SEMA3A: variants seen among roughly 807,000 people sequenced by gnomAD.
The protein encoded by SEMA3A is semaphorin 3A, also known as semaphorin-3A.
Under a neutral mutation model 97.9 loss-of-function variants are expected in SEMA3A, and 29 were observed. That is an observed-to-expected ratio of 0.30 (90% CI 0.22 to 0.40). The LOEUF (loss-of-function observed/expected upper bound fraction) is 0.40. Among genes scored for constraint, SEMA3A ranks in the 10% least tolerant of loss-of-function variants. The probability of loss-of-function intolerance (pLI) is 1.00; values close to 1 mark genes in which losing one functional copy is unlikely to be tolerated. For missense variants in SEMA3A, 763 were observed against 951.3 expected (o/e 0.80, Z 2.60); for synonymous variants, 321 against 323.7 (o/e 0.99, Z 0.09).
intron 6 of SEMA3A, among the ~76,000 whole-genome samples, chr7:84,015,378 C>T (rs1791057685): frequency 1.3e-5 from 2 of 152,122 alleles, no homozygotes; most frequent in South Asian, 4.1e-4. Context: ...CTAGGTTACA[C>T]AGAATGTATA....
intron 1 of SEMA3A, among the ~76,000 whole-genome samples, chr7:84,439,855 T>C (rs1247346094): frequency 6.6e-6 from 1 of 152,152 alleles, no homozygotes; most frequent in Non-Finnish European, 1.5e-5. Context: ...CAAGAATATA[T>C]GTATTTTTAA....
chr7:84,095,626 C>CT (rs1186589780), intron 4 of SEMA3A, among the ~76,000 whole-genome samples: 34 of 145,770 alleles, frequency 2.3e-4, no homozygotes, highest in East Asian at 1.8e-3. Flanking sequence ...ACAGATGTTG[C>CT]TTTTTTTTTT....
intron 1 of SEMA3A, among the ~76,000 whole-genome samples, chr7:84,391,997 A>G (rs893404452): frequency 6.6e-6 from 1 of 151,424 alleles, no homozygotes; most frequent in Non-Finnish European, 1.5e-5. Context: ...TTAGTTTTAT[A>G]TATTTATCGA....
chr7:84,371,490 G>T (rs1802976423), intron 2 of SEMA3A, among the ~76,000 whole-genome samples: 1 of 151,606 alleles, frequency 6.6e-6, no homozygotes. Flanking sequence ...GGTCTTAATT[G>T]TTCAGACTAT....
intron 3 of SEMA3A, among the ~76,000 whole-genome samples, chr7:84,299,858 CGTCTCTACTAAAAAT>C (rs1584216624): frequency 1.5e-3 from 5 of 3,428 alleles, no homozygotes; most frequent in Non-Finnish European, 1.1e-3. Context: ...GGTGAAACCT[CGTCTCTACTAAAAAT>C]ACAAAAAAAT....
At chr7:84,032,381 A>C (rs1050774850) in intron 6 of SEMA3A, among the ~76,000 whole-genome samples, 15 of 152,312 alleles carry the variant, frequency 9.8e-5, no homozygotes, top group Admixed American at 8.5e-4. Flanking sequence ...ACACAAGAGG[A>C]GCTTCAGCAC....
intron 5 of SEMA3A, among the ~76,000 whole-genome samples, chr7:84,058,960 A>G (rs996998445): frequency 8.5e-5 from 13 of 152,200 alleles, no homozygotes; most frequent in African/African-American, 3.1e-4. Context: ...TCAGCGGAAT[A>G]TTAAAATAAA....
At chr7:84,020,141 G>T (rs1413238210) in intron 6 of SEMA3A, among the ~76,000 whole-genome samples, 1 of 139,344 alleles carries the variant, frequency 7.2e-6, no homozygotes, top group African/African-American at 2.7e-5. Context: ...CACCACCCGG[G>T]TTCAAGTGAT....
intron 2 of SEMA3A, among the ~76,000 whole-genome samples, chr7:84,366,158 A>G (rs2116083176): frequency 6.6e-6 from 1 of 151,428 alleles, no homozygotes; most frequent in South Asian, 2.1e-4. Flanking sequence ...CTCCTTCTCC[A>G]TTAATTTTTT....
At chr7:83,998,395 T>C (rs181206522) in intron 12 of SEMA3A, among the ~76,000 whole-genome samples, 1 of 152,268 alleles carries the variant, frequency 6.6e-6, no homozygotes, top group East Asian at 1.9e-4. Context: ...AATAAAAGTA[T>C]GGTAGAAAAG....
At chr7:84,249,484 A>T (rs531505447) in intron 3 of SEMA3A, among the ~76,000 whole-genome samples, 1 of 152,124 alleles carries the variant, frequency 6.6e-6, no homozygotes, top group South Asian at 2.1e-4. Context: ...GGTAAAATAA[A>T]CACATCTGGC....
intron 1 of SEMA3A, among the ~76,000 whole-genome samples, chr7:84,167,683 T>TG (rs1325404688): frequency 6.6e-6 from 1 of 152,184 alleles, no homozygotes; most frequent in Non-Finnish European, 1.5e-5. Context: ...GATAATTATC[T>TG]GGTACAGGCT....
chr7:84,151,277 C>T (rs898390855), intron 1 of SEMA3A, among the ~76,000 whole-genome samples: 20 of 151,828 alleles, frequency 1.3e-4, no homozygotes, highest in East Asian at 3.9e-4. Context: ...AGGCTTCAGA[C>T]GATCAAATTA....
chr7:84,116,138 T>C (rs1272960526), intron 3 of SEMA3A, among the ~76,000 whole-genome samples: 3 of 152,134 alleles, frequency 2.0e-5, no homozygotes, highest in African/African-American at 7.2e-5. Flanking sequence ...TTGCCTAATA[T>C]CAAAAATTAA....
intron 4 of SEMA3A, 30 bp downstream of exon 4, chr7:84,110,440 C>T: frequency 1.2e-6 from 2 of 1,611,938 alleles, no homozygotes; most frequent in African/African-American, 2.7e-5. Flanking sequence ...GGGTCATGGA[C>T]AAATATAATT....
chr7:84,485,377 ATT>A (rs36033736), intron 1 of SEMA3A, among the ~76,000 whole-genome samples: 37 of 145,908 alleles, frequency 2.5e-4, no homozygotes, highest in East Asian at 2.0e-3. Flanking sequence ...TATTTTATGT[ATT>A]TTTTTTTTTT....
intron 12 of SEMA3A, among the ~76,000 whole-genome samples, chr7:83,999,367 T>G (rs28578389): frequency 0.16 from 23,823 of 151,998 alleles, 2,194 homozygotes; most frequent in Non-Finnish European, 0.21. Context: ...ATATAAATAA[T>G]AAAAATTCAC....
chr7:83,984,715 T>C (rs1450478019), intron 13 of SEMA3A, among the ~76,000 whole-genome samples: 1 of 151,636 alleles, frequency 6.6e-6, no homozygotes, highest in East Asian at 1.9e-4. Flanking sequence ...TATATTTGTT[T>C]ACACATATTA....
At chr7:84,407,315 G>T (rs7457427) in intron 1 of SEMA3A, among the ~76,000 whole-genome samples, 15 of 151,850 alleles carry the variant, frequency 9.9e-5, no homozygotes, top group Non-Finnish European at 7.4e-5. Context: ...AGAATACAAT[G>T]CCTAGGAATA....
Sources: allele counts gnomAD v4.1 joint callset (sites outside exome capture counted in the v4.1 genomes callset), GRCh38; gene constraint gnomAD v4.1.1; transcripts MANE v1.5; gene names NCBI Gene and HGNC (gene_info 2026-07-23, HGNC 2026-07-21).